ADAMTS18: variants seen among roughly 807,000 people sequenced by gnomAD.
The protein encoded by ADAMTS18 is A disintegrin and metalloproteinase with thrombospondin motifs 18.
ADAMTS18 carries 157 observed loss-of-function variants against 165.9 expected under a neutral mutation model. That is an observed-to-expected ratio of 0.95 (90% CI 0.83 to 1.08). The LOEUF (loss-of-function observed/expected upper bound fraction) is 1.08, where lower values mean the gene tolerates loss of function less well. Among genes scored for constraint, ADAMTS18 ranks in the 50% least tolerant of loss-of-function variants. The pLI is 0.00. For missense variants in ADAMTS18, 2,040 were observed against 1,534.0 expected, an observed-to-expected ratio of 1.33 and a Z score of -5.51; for synonymous variants, 782 against 578.2, an observed-to-expected ratio of 1.35 and a Z score of -5.06.
chr16:77,346,190 A>G (rs2056473223), intron 10 of ADAMTS18, among the ~76,000 whole-genome samples: 1 of 152,166 alleles, frequency 6.6e-6, no homozygotes, highest in East Asian at 1.9e-4. Flanking sequence ...CAGTCTTCCA[A>G]TTTTCCTTAT....
At chr16:77,408,508 T>C (rs2057420329) in intron 3 of ADAMTS18, among the ~76,000 whole-genome samples, 1 of 152,140 alleles carries the variant, frequency 6.6e-6, no homozygotes, top group African/African-American at 2.4e-5. Context: ...GTGAGATACT[T>C]TGAAGAAACG....
chr16:77,376,113 G>C (rs1247380555), intron 3 of ADAMTS18, among the ~76,000 whole-genome samples: 2 of 151,836 alleles, frequency 1.3e-5, no homozygotes, highest in South Asian at 2.1e-4. Context: ...ATGTTGATCC[G>C]GCTGGTCTTG....
chr16:77,365,768 C>A (rs1451538205), intron 4 of ADAMTS18, among the ~76,000 whole-genome samples: 1 of 152,080 alleles, frequency 6.6e-6, no homozygotes, highest in African/African-American at 2.4e-5. Context: ...AACACTGGTC[C>A]AGCCGTAATA....
intron 6 of ADAMTS18, among the ~76,000 whole-genome samples, chr16:77,363,533 T>C (rs1053446826): frequency 5.1e-5 from 4 of 77,998 alleles, no homozygotes; most frequent in Admixed American, 1.9e-4. Flanking sequence ...ATTTATATTA[T>C]CTATTTGTAT....
chr16:77,303,927 G>A (rs892682093), intron 16 of ADAMTS18, among the ~76,000 whole-genome samples: 1 of 152,174 alleles, frequency 6.6e-6, no homozygotes, highest in African/African-American at 2.4e-5. Flanking sequence ...CTACTCGGGA[G>A]GCTGAGGCAG....
intron 21 of ADAMTS18, chr16:77,290,578 C>A (rs1490741166): frequency 6.5e-6 from 1 of 154,970 alleles, no homozygotes; most frequent in Admixed American, 6.3e-5. Context: ...GATACCTCTA[C>A]CCGGACTCTG....
Position 77,300,370 on chromosome 16 carries a change from C to T in ADAMTS18, c.2567G>A (p.Trp856Ter). 1 of 1,614,032 alleles carries T rather than the reference C, an allele frequency of 6.2e-7. No homozygotes were observed. Among genetic ancestry groups the T allele is most frequent in the Non-Finnish European group, 8.5e-7 (1 of 1,179,972 alleles). The change falls in exon 17 of 23, where the codon TGG becomes TAG. Residue 856 changes from tryptophan to a stop codon, truncating the protein, a stop_gained. Coordinates refer to ENST00000282849, the MANE Select transcript of ADAMTS18 (RefSeq NM_199355.4). LOFTEE classifies it high-confidence loss of function. ...LMQGKNPGIAWKYALPKVMNG... is the reference protein window; with the variant it reads ...LMQGKNPGIA ...CATGACCTTGGGAAGTGCATACTTC[C>T]AAGCTATCCCTGGATTTTTGCCTTG... is the stretch of plus-strand genomic sequence containing the variant.
rs1358507594 is a variant in ADAMTS18, at chr16:77,395,668, A to G, written c.496-27945T>C. On this transcript the variant is annotated intron_variant, in intron 3 of 22. Coordinates refer to ENST00000282849, the MANE Select transcript of ADAMTS18 (RefSeq NM_199355.4). The stretch of plus-strand genomic sequence containing the variant: ...ACCTTGACAGTGTTTTAAGCTATAC[A>G]TTCCAGAAGGGCAAAGATCACACCT... 2.6e-5 allele frequency among the ~76,000 whole-genome samples: 4 copies of G among 152,296 alleles called. No homozygotes were observed. In the East Asian group the frequency reaches 7.7e-4, roughly 29 times the overall value.
chr16:77,380,871 T>C (rs2057020155), intron 3 of ADAMTS18, among the ~76,000 whole-genome samples: 1 of 152,132 alleles, frequency 6.6e-6, no homozygotes, highest in East Asian at 1.9e-4. Flanking sequence ...TGTTTTAATT[T>C]TATATTTTAT....
In ADAMTS18 at chr16:77,283,951, C is replaced by T. The variant is rs1214952070; in HGVS notation, c.*5G>A. ...GGCCCTAAGGTGCTGGGGAGGACAC[C>T]AAGATCAGATCTTCCTTGTGCATGA... On this transcript the variant is annotated 3_prime_UTR_variant, in exon 23 of 23. Coordinates refer to ENST00000282849, the MANE Select transcript of ADAMTS18 (RefSeq NM_199355.4). 1 of 1,611,730 alleles carries T rather than the reference C, an allele frequency of 6.2e-7. No individual in the cohort carries two copies. Among genetic ancestry groups the T allele is most frequent in the Non-Finnish European group, 8.5e-7 (1 of 1,178,180 alleles).
intron 3 of ADAMTS18, among the ~76,000 whole-genome samples, chr16:77,416,285 C>T (rs1021283806): frequency 3.3e-5 from 5 of 152,046 alleles, no homozygotes; most frequent in African/African-American, 4.8e-5. Flanking sequence ...CAGTGGCATG[C>T]ACAATAATGG....
At chr16:77,317,317 A>T (rs890751572) in intron 16 of ADAMTS18, among the ~76,000 whole-genome samples, 6 of 152,140 alleles carry the variant, frequency 3.9e-5, no homozygotes, top group African/African-American at 1.4e-4. Context: ...AGTGCATGTG[A>T]CACAGAGGAA....
At chr16:77,323,915 T>C (rs1257965819) in intron 13 of ADAMTS18, among the ~76,000 whole-genome samples, 1 of 152,232 alleles carries the variant, frequency 6.6e-6, no homozygotes, top group Non-Finnish European at 1.5e-5. Context: ...AAACATCTGT[T>C]GCATGCATGA....
intron 16 of ADAMTS18, among the ~76,000 whole-genome samples, chr16:77,309,246 A>T (rs274532): frequency 6.6e-6 from 1 of 151,718 alleles, no homozygotes; most frequent in East Asian, 1.9e-4. Flanking sequence ...ATACAGAAAT[A>T]TAACACTTGG....
At chr16:77,427,775 ACC>A (rs1236174982) in intron 3 of ADAMTS18, among the ~76,000 whole-genome samples, 1 of 152,202 alleles carries the variant, frequency 6.6e-6, no homozygotes, top group Non-Finnish European at 1.5e-5. Flanking sequence ...ATAAAGGGAG[ACC>A]TGTGAGTTGG....
chr16:77,333,446 A>T (rs771685871), intron 12 of ADAMTS18, among the ~76,000 whole-genome samples: 39 of 151,570 alleles, frequency 2.6e-4, no homozygotes, highest in Admixed American at 7.9e-4. Context: ...CATTCTGCAC[A>T]TGTATCTTGG....
chr16:77,332,479 C>T (rs994458439), intron 12 of ADAMTS18, among the ~76,000 whole-genome samples: 1 of 152,170 alleles, frequency 6.6e-6, no homozygotes. Flanking sequence ...GATGCAATTT[C>T]TAATCCTCCT....
At chr16:77,374,980 T>C (rs1392357383) in intron 3 of ADAMTS18, among the ~76,000 whole-genome samples, 1 of 152,170 alleles carries the variant, frequency 6.6e-6, no homozygotes, top group Non-Finnish European at 1.5e-5. Flanking sequence ...ATTTTATTGC[T>C]TAAAAATATA....
rs1187842628 is a variant in ADAMTS18, at chr16:77,386,930, C to T, written c.496-19207G>A. On this transcript the variant is annotated intron_variant, in intron 3 of 22. Transcript: ENST00000282849. ...CTTGGTGCTGTCCTACAGCAACAAA[C>T]TACAGAAGTCTGCAAATGGGTAAAC... Among the ~76,000 whole-genome samples the T allele has an allele frequency of 2.0e-5, 3 of 152,146 alleles. No homozygotes were observed. The East Asian group carries it at 5.8e-4, about 29-fold the overall frequency.
Sources: allele counts gnomAD v4.1 joint callset (sites outside exome capture counted in the v4.1 genomes callset), GRCh38; gene constraint gnomAD v4.1.1; transcripts MANE v1.5; gene names NCBI Gene and HGNC (gene_info 2026-07-23, HGNC 2026-07-21).